Variants in MIS18BP1 observed in about 807,000 individuals in gnomAD.
MIS18BP1 encodes mis18-binding protein 1.
Under a neutral mutation model 116.1 loss-of-function variants are expected in MIS18BP1, and 72 were observed. That is an observed-to-expected ratio of 0.62 (90% CI 0.51 to 0.75). The LOEUF (loss-of-function observed/expected upper bound fraction) is 0.75. Among genes scored for constraint, MIS18BP1 ranks in the 30% least tolerant of loss-of-function variants. The probability of loss-of-function intolerance (pLI) is 0.00; values close to 1 mark genes in which losing one functional copy is unlikely to be tolerated. For missense variants in MIS18BP1, 1,363 were observed against 1,303.2 expected (o/e 1.05, Z -0.71); for synonymous variants, 386 against 427.0 (o/e 0.90, Z 1.18).
intron 5 of MIS18BP1, 98 bp from the exon 6 acceptor site, chr14:45,236,042 G>C: frequency 9.4e-7 from 1 of 1,067,740 alleles, no homozygotes; most frequent in Non-Finnish European, 1.4e-6. Flanking sequence ...CACTAAGAAT[G>C]TTATTAGTCT....
chr14:45,230,022 G>A (rs1195118509), intron 8 of MIS18BP1, among the ~76,000 whole-genome samples: 1 of 152,140 alleles, frequency 6.6e-6, no homozygotes, highest in African/African-American at 2.4e-5. Context: ...TTCAAGGGTG[G>A]AAGTTCAAAT....
chr14:45,247,182 A>G lies in MIS18BP1; in HGVS notation c.105T>C (p.Pro35=). The change falls in exon 2 of 17, where the codon CCT becomes CCC. Residue 35 remains proline (P), a synonymous_variant. Transcript: ENST00000310806. ...CTTTTACAGGAGTAAGTGTGCCTGAAGGAATGCTGTCAAAAAAGATTGCAT... is the reference window on the plus strand; with the variant it reads ...CTTTTACAGGAGTAAGTGTGCCTGAGGGAATGCTGTCAAAAAAGATTGCAT... The part of the protein sequence containing the change: ...PMDAIFFDSI[P]SGTLTPVKDL... 6.2e-7 allele frequency: 1 copy of G among 1,613,038 alleles called. No homozygotes were observed. Among genetic ancestry groups the G allele is most frequent in the East Asian group, 2.2e-5 (1 of 44,846 alleles).
Position 45,235,800 on chromosome 14 carries a change from T to C in MIS18BP1, c.1348+14A>G, listed in dbSNP as rs1163903184. The C allele has an allele frequency of 1.3e-6, 2 of 1,582,902 alleles. No homozygotes were observed. The highest frequency in any genetic ancestry group is 8.6e-7 in the Non-Finnish European group (1 of 1,166,806). ...ACTTCTTAAAATAACTTATCAATAA[T>C]GACAGTCATTTACCTGCTTCTTTCA... On this transcript the variant is annotated intron_variant, in intron 6 of 16. Coordinates refer to ENST00000310806, the MANE Select transcript of MIS18BP1 (RefSeq NM_018353.5).
chr14:45,234,405 G>C (rs1417013185), intron 6 of MIS18BP1, among the ~76,000 whole-genome samples: 3 of 152,002 alleles, frequency 2.0e-5, no homozygotes, highest in Non-Finnish European at 4.4e-5. Flanking sequence ...GAGTAAAAGA[G>C]AAAATGAGAG....
chr14:45,222,716 G>C (rs1160162461), intron 11 of MIS18BP1, among the ~76,000 whole-genome samples: 4 of 152,136 alleles, frequency 2.6e-5, no homozygotes, highest in Non-Finnish European at 5.9e-5. Flanking sequence ...CTCCTGGGTG[G>C]CATAGAAGTT....
intron 15 of MIS18BP1, among the ~76,000 whole-genome samples, chr14:45,204,696 A>T (rs1890463639): frequency 6.6e-6 from 1 of 152,086 alleles, no homozygotes; most frequent in Non-Finnish European, 1.5e-5. Context: ...AAATTATTAT[A>T]AACTAATGCT....
chr14:45,219,717 A>G (rs1389784571), intron 11 of MIS18BP1, among the ~76,000 whole-genome samples: 2 of 152,242 alleles, frequency 1.3e-5, no homozygotes, highest in East Asian at 3.8e-4. Context: ...ATACTTGTTA[A>G]TGAATTCTTT....
intron 8 of MIS18BP1, among the ~76,000 whole-genome samples, chr14:45,228,360 T>A (rs1457266976): frequency 6.6e-6 from 1 of 152,204 alleles, no homozygotes; most frequent in Non-Finnish European, 1.5e-5. Context: ...CTGTTTTGGA[T>A]CTCCTTTGTC....
chr14:45,214,344 C>T (rs918557045), intron 13 of MIS18BP1, among the ~76,000 whole-genome samples: 1 of 152,220 alleles, frequency 6.6e-6, no homozygotes, highest in Non-Finnish European at 1.5e-5. Context: ...CTCTTTAATG[C>T]ACTATATGTG....
intron 13 of MIS18BP1, among the ~76,000 whole-genome samples, chr14:45,214,177 G>T (rs1006710601): frequency 6.6e-6 from 1 of 152,214 alleles, no homozygotes; most frequent in Non-Finnish European, 1.5e-5. Context: ...AAAATAGGAA[G>T]TCCTCTTTGC....
In MIS18BP1 at chr14:45,235,939, A is replaced by G. The variant is rs202040754; in HGVS notation, c.1223T>C (p.Val408Ala). ...AICVEGKLID[V>A]TNIYWHSNVI... ...ATTACTGTGCCAATATATGTTAGTG[A>G]CGTCTCTAGGAAAAAAAAATAGTTT... is the stretch of plus-strand genomic sequence containing the variant. Residue 408 changes from valine to alanine, a missense_variant, in exon 6 of 17, where the codon GTC (valine) becomes GCC (alanine). Physicochemically the swap from Val to Ala is moderately conservative, Grantham distance 64. Coordinates refer to ENST00000310806, the MANE Select transcript of MIS18BP1 (RefSeq NM_018353.5). The G allele has an allele frequency of 1.3e-6, 2 of 1,598,976 alleles. No homozygotes were observed. The highest frequency in any genetic ancestry group is 1.7e-6 in the Non-Finnish European group (2 of 1,175,226).
chr14:45,247,328 T>C lies in MIS18BP1; in HGVS notation c.-42A>G. On this transcript the variant is annotated 5_prime_UTR_variant, in exon 2 of 17. Coordinates refer to ENST00000310806, the MANE Select transcript of MIS18BP1 (RefSeq NM_018353.5). ...CAACCAAGTTCTTCTAACAGAAAAT[T>C]CACTTAAGCGCAATTTTCAGATAGA... 1 of 1,491,266 alleles carries C rather than the reference T, an allele frequency of 6.7e-7. No individual in the cohort carries two copies. The highest frequency in any genetic ancestry group is 8.9e-7 in the Non-Finnish European group (1 of 1,123,774). The allele number at this position is 1,491,266 out of a possible 1,614,324, so 92.4% of individuals were successfully genotyped here. A position where few individuals can be genotyped will look rare whatever the true frequency, so the allele number is the denominator to read the frequency against.
At chr14:45,228,609 A>G (rs187313140) in intron 8 of MIS18BP1, among the ~76,000 whole-genome samples, 78 of 152,354 alleles carry the variant, frequency 5.1e-4, no homozygotes, top group African/African-American at 1.6e-3. Context: ...ACAGTTACTA[A>G]GCTGGAATTC....
rs772463587 is a variant in MIS18BP1 at position 45,242,388 on chromosome 14, G to C, written c.789C>G (p.Ser263=). ...SKESIVATTK[S]KKDTFVLESV... ...TTTCTAAAACAAACGTGTCCTTTTT[G>C]GATTTAGTGGTTGCAACTATACTCT... Residue 263 remains serine (S), a synonymous_variant, in exon 4 of 17, where the codon TCC becomes TCG. Transcript: ENST00000310806. 2 of 1,613,762 alleles carry C rather than the reference G, an allele frequency of 1.2e-6. No individual in the cohort carries two copies. Among genetic ancestry groups the C allele is most frequent in the Admixed American group, 1.7e-5 (1 of 59,982 alleles).
intron 4 of MIS18BP1, among the ~76,000 whole-genome samples, chr14:45,240,080 T>C (rs1891534483): frequency 6.6e-6 from 1 of 151,830 alleles, no homozygotes; most frequent in South Asian, 2.1e-4. Flanking sequence ...GAGTGTGGAG[T>C]TGAGAAGAAT....
rs1890463363 is a variant in MIS18BP1, at chr14:45,204,687, A to AATT, written c.3241-237_3241-235dup. Reference sequence around the variant, plus strand: ...AGTGCTGGCAAACACTCCTCTAAGAAATTATTATAAACTAATGCTATAGCA... The same window carrying AATT: ...AGTGCTGGCAAACACTCCTCTAAGAAATTATTATTATAAACTAATGCTATAGCA... On this transcript the variant is annotated intron_variant, in intron 15 of 16. Transcript: ENST00000310806. Among the ~76,000 whole-genome samples, 5 of 152,160 alleles carry AATT rather than the reference A, an allele frequency of 3.3e-5. No individual in the cohort carries two copies. In the South Asian group the frequency reaches 1.0e-3, roughly 32 times the overall value.
chr14:45,241,916 G>A (rs1891585137), intron 4 of MIS18BP1, 118 bp downstream of exon 4: 1 of 1,067,942 alleles, frequency 9.4e-7, no homozygotes, highest in Admixed American at 2.4e-5. Flanking sequence ...TGTTAATAAT[G>A]AAGCATACAG....
rs758866821 is a variant in MIS18BP1 at position 45,246,842 on chromosome 14, T to A, written c.445A>T (p.Thr149Ser). Residue 149 changes from threonine to serine, a missense_variant, in exon 2 of 17, where the codon ACT becomes TCT. Thr to Ser is a moderately conservative substitution (Grantham distance 58). Transcript: ENST00000310806. ...TTTTTTTTTTCAACTCTGTTAGGAG[T>A]GAAGGTTTCATTATTTCCACTTTTC... The part of the protein sequence containing the change: ...PQKSGNNETF[T>S]PNRVEKKKLQ... 1 of 1,610,532 alleles carries A rather than the reference T, an allele frequency of 6.2e-7. No homozygotes were observed. Among genetic ancestry groups the A allele is most frequent in the African/African-American group, 1.3e-5 (1 of 74,540 alleles).
intron 15 of MIS18BP1, among the ~76,000 whole-genome samples, chr14:45,205,097 A>T (rs1273143677): frequency 6.6e-6 from 1 of 152,168 alleles, no homozygotes; most frequent in Non-Finnish European, 1.5e-5. Context: ...AAAAATAAAA[A>T]GTAACAGAAC....
Sources: allele counts gnomAD v4.1 joint callset (sites outside exome capture counted in the v4.1 genomes callset), GRCh38; gene constraint gnomAD v4.1.1; transcripts MANE v1.5; gene names NCBI Gene and HGNC (gene_info 2026-07-23, HGNC 2026-07-21).